OSBPL9: variants seen among roughly 807,000 people sequenced by gnomAD.
The protein encoded by OSBPL9 is oxysterol binding protein like 9, also known as oxysterol-binding protein-related protein 9.
Under a neutral mutation model 106.6 loss-of-function variants are expected in OSBPL9, and 40 were observed. The ratio of observed to expected loss-of-function variants is 0.38; its 90% CI spans 0.29 to 0.49. OSBPL9 has a LOEUF of 0.49. OSBPL9 is among the 20% of genes least tolerant of loss of function. The probability of loss-of-function intolerance (pLI) is 0.97; values close to 1 mark genes in which losing one functional copy is unlikely to be tolerated. For synonymous variants in OSBPL9, 269 were observed against 295.4 expected (o/e 0.91, Z 0.92); for missense variants, 609 against 887.2 (o/e 0.69, Z 3.98).
chr1:51,694,488 TACTC>T (rs947389374), intron 3 of OSBPL9, among the ~76,000 whole-genome samples: 7 of 152,368 alleles, frequency 4.6e-5, no homozygotes, highest in South Asian at 2.1e-4. Context: ...TATTCTTTGA[TACTC>T]ACCAAAATTT....
At chr1:51,578,605 T>G (rs1645200263) in intron 1 of OSBPL9, among the ~76,000 whole-genome samples, 1 of 152,122 alleles carries the variant, frequency 6.6e-6, no homozygotes. Flanking sequence ...CACAGACTTG[T>G]CAGTTACAGA....
chr1:51,690,992 T>C (rs1387232059), intron 3 of OSBPL9, among the ~76,000 whole-genome samples: 1 of 152,194 alleles, frequency 6.6e-6, no homozygotes, highest in Non-Finnish European at 1.5e-5. Flanking sequence ...TGTAACACAA[T>C]GATAAGTATC....
At chr1:51,628,454 C>T (rs1298538275) in intron 1 of OSBPL9, among the ~76,000 whole-genome samples, 1 of 151,604 alleles carries the variant, frequency 6.6e-6, no homozygotes, top group Non-Finnish European at 1.5e-5. Context: ...TGCAGTGGCT[C>T]GTGCCTGTAA....
chr1:51,760,660 A>C (rs752974912), intron 9 of OSBPL9, 30 bp from the exon 10 acceptor site: 2 of 1,612,862 alleles, frequency 1.2e-6, no homozygotes, highest in Admixed American at 3.3e-5. Flanking sequence ...ATTTAATTAA[A>C]AATAGCTATA....
At chr1:51,746,153 A>G (rs1468078868) in intron 5 of OSBPL9, among the ~76,000 whole-genome samples, 1 of 152,198 alleles carries the variant, frequency 6.6e-6, no homozygotes, top group Non-Finnish European at 1.5e-5. Context: ...CATATTGGCC[A>G]GGCTGGTCTC....
intron 2 of OSBPL9, among the ~76,000 whole-genome samples, chr1:51,605,063 G>A (rs1403479298): frequency 6.6e-6 from 1 of 152,242 alleles, no homozygotes; most frequent in Non-Finnish European, 1.5e-5. Flanking sequence ...AGAACATCTG[G>A]CCCTCAAAGC....
chr1:51,714,097 G>A lies in OSBPL9; in HGVS notation c.318+18G>A. 1 of 1,560,680 alleles carries A rather than the reference G, an allele frequency of 6.4e-7. No individual in the cohort carries two copies. Among genetic ancestry groups the A allele is most frequent in the Non-Finnish European group, 8.7e-7 (1 of 1,148,020 alleles). ...AGCTTCAAGTAAGGGTCTTTACATG[G>A]TTTCCAGATAGTTCATTAGTTGTTG... On this transcript the variant is annotated intron_variant, in intron 4 of 23. Transcript: ENST00000428468.
intron 2 of OSBPL9, among the ~76,000 whole-genome samples, chr1:51,656,378 T>A (rs1222077480): frequency 6.6e-6 from 1 of 152,188 alleles, no homozygotes; most frequent in Non-Finnish European, 1.5e-5. Context: ...CTACTGATCT[T>A]GCCCTTGCCC....
At chr1:51,689,976 A>G (rs193026390) in intron 3 of OSBPL9, among the ~76,000 whole-genome samples, 2 of 152,254 alleles carry the variant, frequency 1.3e-5, no homozygotes, top group South Asian at 2.1e-4. Context: ...TTTTCTGCCA[A>G]AGCAACCTCC....
chr1:51,528,452 G>A, the OSBPL9 span, among the ~76,000 whole-genome samples: 1 of 152,244 alleles, frequency 6.6e-6, no homozygotes, highest in Middle Eastern at 3.4e-3. Context: ...GCTGAGGCAG[G>A]AGAATTGCTT....
intron 2 of OSBPL9, among the ~76,000 whole-genome samples, chr1:51,600,031 A>G (rs1165594617): frequency 6.6e-6 from 1 of 152,226 alleles, no homozygotes; most frequent in Non-Finnish European, 1.5e-5. Context: ...TTATAAGGGC[A>G]TTATTCCTGC....
chr1:51,752,527 C>T, intron 8 of OSBPL9: 1 of 456,096 alleles, frequency 2.2e-6, no homozygotes, highest in Middle Eastern at 3.3e-4. Context: ...GAGGAATTTG[C>T]TCGTCTTACC....
chr1:51,694,342 G>C (rs974268608), intron 3 of OSBPL9, among the ~76,000 whole-genome samples: 1 of 152,130 alleles, frequency 6.6e-6, no homozygotes, highest in African/African-American at 2.4e-5. Context: ...GAAGACAGCT[G>C]GATTCTCATA....
chr1:51,733,875 A>G (rs1317334077), intron 4 of OSBPL9, among the ~76,000 whole-genome samples: 1 of 152,214 alleles, frequency 6.6e-6, no homozygotes, highest in Non-Finnish European at 1.5e-5. Flanking sequence ...TACTAATAGT[A>G]GTACGAGTAC....
At chr1:51,674,980 A>G (rs1650826166) in intron 3 of OSBPL9, among the ~76,000 whole-genome samples, 1 of 152,244 alleles carries the variant, frequency 6.6e-6, no homozygotes, top group African/African-American at 2.4e-5. Context: ...ATTCAAAGCC[A>G]TCCTGTGCTA....
intron 17 of OSBPL9, 59 bp from the exon 18 acceptor site, chr1:51,783,856 T>C: frequency 8.0e-7 from 1 of 1,256,932 alleles, no homozygotes; most frequent in South Asian, 1.2e-5. Context: ...CCAGGTTATG[T>C]GATTTTGGAG....
intron 22 of OSBPL9, among the ~76,000 whole-genome samples, chr1:51,786,870 C>CT: frequency 6.6e-6 from 1 of 152,316 alleles, no homozygotes; most frequent in East Asian, 1.9e-4. Flanking sequence ...TCTTAACTAA[C>CT]TTTAAAGCCT....
At chr1:51,717,690 T>TC (rs1180857394) in intron 4 of OSBPL9, among the ~76,000 whole-genome samples, 1 of 150,658 alleles carries the variant, frequency 6.6e-6, no homozygotes, top group African/African-American at 2.5e-5. Context: ...TTTTTTTTTT[T>TC]CCAAAAGACA....
chr1:51,551,956 G>A, the OSBPL9 span, among the ~76,000 whole-genome samples: 3 of 125,852 alleles, frequency 2.4e-5, no homozygotes, highest in African/African-American at 1.1e-4. Flanking sequence ...GCATGTGTAG[G>A]GTGAATAGAA....
Sources: allele counts gnomAD v4.1 joint callset (sites outside exome capture counted in the v4.1 genomes callset), GRCh38; gene constraint gnomAD v4.1.1; transcripts MANE v1.5; gene names NCBI Gene and HGNC (gene_info 2026-07-23, HGNC 2026-07-21).